Variants in FSTL4 observed in about 807,000 individuals in gnomAD.
FSTL4 encodes the protein follistatin like 4.
Under a neutral mutation model 78.2 loss-of-function variants are expected in FSTL4, and 28 were observed. The observed-to-expected ratio is 0.36, with a 90% CI of 0.27 to 0.49. FSTL4 has a LOEUF of 0.49. Ranked by LOEUF, FSTL4 falls within the 20% of genes least tolerant of loss-of-function variation. FSTL4 has a pLI of 0.98. For synonymous variants in FSTL4, 422 were observed against 440.5 expected (o/e 0.96, Z 0.53); for missense variants, 922 against 1,084.9 (o/e 0.85, Z 2.11).
the FSTL4 span, among the ~76,000 whole-genome samples, chr5:133,762,605 A>T: frequency 1.3e-5 from 2 of 152,246 alleles, no homozygotes; most frequent in Non-Finnish European, 2.9e-5. Context: ...CAGAAGGTCC[A>T]GCTCCATTTC....
chr5:133,408,014 G>C (rs755020863), intron 3 of FSTL4, among the ~76,000 whole-genome samples: 6 of 152,074 alleles, frequency 3.9e-5, no homozygotes, highest in African/African-American at 7.2e-5. Context: ...TGATCTGCAG[G>C]GTAAGAAAAC....
At chr5:133,545,020 G>A (rs969020271) in intron 3 of FSTL4, among the ~76,000 whole-genome samples, 1 of 152,134 alleles carries the variant, frequency 6.6e-6, no homozygotes, top group Admixed American at 6.6e-5. Flanking sequence ...AAAATCCTTG[G>A]AGTAATAGGA....
chr5:133,393,104 C>T (rs1257993815), intron 4 of FSTL4, among the ~76,000 whole-genome samples: 2 of 152,202 alleles, frequency 1.3e-5, no homozygotes, highest in Non-Finnish European at 2.9e-5. Context: ...AATGGGACAA[C>T]TGAGCTCCCA....
chr5:133,783,041 CA>C, the FSTL4 span, among the ~76,000 whole-genome samples: 1 of 152,182 alleles, frequency 6.6e-6, no homozygotes. Context: ...GCACCTCTTC[CA>C]ACACATAAAA....
the FSTL4 span, among the ~76,000 whole-genome samples, chr5:133,804,063 A>G: frequency 6.6e-6 from 1 of 152,150 alleles, no homozygotes; most frequent in South Asian, 2.1e-4. Flanking sequence ...CCAAATCCTG[A>G]ATGTAGCCTT....
chr5:133,496,300 G>A (rs549227419), intron 3 of FSTL4, among the ~76,000 whole-genome samples: 13 of 152,286 alleles, frequency 8.5e-5, no homozygotes, highest in African/African-American at 2.6e-4. Flanking sequence ...AAAAATGCAG[G>A]GTGCTTTCCA....
At chr5:133,479,779 A>C in intron 3 of FSTL4, among the ~76,000 whole-genome samples, 1 of 152,210 alleles carries the variant, frequency 6.6e-6, no homozygotes, top group Non-Finnish European at 1.5e-5. Flanking sequence ...ATTTTAGAAA[A>C]TTCTGCAAAC....
the FSTL4 span, among the ~76,000 whole-genome samples, chr5:133,632,644 T>A: frequency 6.6e-6 from 1 of 152,130 alleles, no homozygotes; most frequent in African/African-American, 2.4e-5. Flanking sequence ...TTGTGCCACT[T>A]CCTTCTGGCC....
At chr5:133,722,893 CA>C in the FSTL4 span, among the ~76,000 whole-genome samples, 4 of 152,162 alleles carry the variant, frequency 2.6e-5, no homozygotes, top group Non-Finnish European at 5.9e-5. Context: ...GCAAGTGCCT[CA>C]ATGGTCTGGG....
At chr5:133,487,596 A>G (rs576206590) in intron 3 of FSTL4, among the ~76,000 whole-genome samples, 2 of 152,188 alleles carry the variant, frequency 1.3e-5, no homozygotes, top group South Asian at 4.2e-4. Context: ...TCCCAAGTTG[A>G]TGTACATTTC....
At chr5:133,625,640 C>G in the FSTL4 span, among the ~76,000 whole-genome samples, 1 of 143,698 alleles carries the variant, frequency 7.0e-6, no homozygotes, top group South Asian at 2.2e-4. Context: ...TTTATTACTT[C>G]CTTAGTTCTG....
chr5:133,798,243 T>C, the FSTL4 span, among the ~76,000 whole-genome samples: 1 of 152,216 alleles, frequency 6.6e-6, no homozygotes, highest in Non-Finnish European at 1.5e-5. Flanking sequence ...TTTTAAATCA[T>C]ACATTTTGAG....
chr5:133,718,714 A>T, the FSTL4 span, among the ~76,000 whole-genome samples: 1 of 152,204 alleles, frequency 6.6e-6, no homozygotes, highest in African/African-American at 2.4e-5. Flanking sequence ...GATTTTACAG[A>T]TTTGGCCTCT....
At chr5:133,746,977 A>G in the FSTL4 span, among the ~76,000 whole-genome samples, 2 of 152,248 alleles carry the variant, frequency 1.3e-5, no homozygotes, top group South Asian at 2.1e-4. Context: ...AGGCATCCTG[A>G]CGGGCTTGGA....
chr5:133,483,269 A>G (rs534898083), intron 3 of FSTL4, among the ~76,000 whole-genome samples: 15 of 152,266 alleles, frequency 9.9e-5, no homozygotes, highest in Middle Eastern at 6.8e-3. Flanking sequence ...TTTCTTTGTA[A>G]ATTGCCCAGT....
the FSTL4 span, among the ~76,000 whole-genome samples, chr5:133,774,709 A>G: frequency 1.3e-5 from 2 of 152,362 alleles, no homozygotes; most frequent in South Asian, 4.1e-4. Context: ...TTATCTACTT[A>G]TAGATAAAGC....
chr5:133,581,520 C>G (rs1318454633), intron 2 of FSTL4, among the ~76,000 whole-genome samples: 1 of 152,224 alleles, frequency 6.6e-6, no homozygotes, highest in African/African-American at 2.4e-5. Context: ...CCAGCCTTAG[C>G]CACCCACACC....
chr5:133,786,181 A>G, the FSTL4 span, among the ~76,000 whole-genome samples: 2 of 152,146 alleles, frequency 1.3e-5, no homozygotes, highest in African/African-American at 2.4e-5. Context: ...TTTCCTCCCC[A>G]GGTGCCTACC....
chr5:133,268,907 C>G (rs1044212796), intron 6 of FSTL4, among the ~76,000 whole-genome samples: 5 of 151,300 alleles, frequency 3.3e-5, no homozygotes, highest in African/African-American at 1.2e-4. Flanking sequence ...GCAGGCTGGG[C>G]GCGGTGGCTC....
Sources: gnomAD v4.1 joint callset for allele counts (sites outside exome capture counted in the v4.1 genomes callset) on GRCh38, gnomAD v4.1.1 for gene constraint, MANE v1.5 for transcripts, NCBI Gene and HGNC (gene_info 2026-07-23, HGNC 2026-07-21) for gene names.